Variants in KHDRBS3 observed in about 807,000 individuals in gnomAD.
The protein encoded by KHDRBS3 is KH domain-containing, RNA-binding, signal transduction-associated protein 3.
A neutral mutation model predicts 45.6 loss-of-function variants in KHDRBS3; 23 were observed. The ratio of observed to expected loss-of-function variants is 0.50; its 90% confidence interval spans 0.36 to 0.72. The LOEUF is 0.72. Ranked by LOEUF, KHDRBS3 falls within the 30% of genes least tolerant of loss-of-function variation. The pLI, the probability that KHDRBS3 is intolerant of heterozygous loss-of-function variation, is 0.00. For missense variants in KHDRBS3, 352 were observed against 424.8 expected, an observed-to-expected ratio of 0.83 and a Z score of 1.51; for synonymous variants, 162 against 156.5, an observed-to-expected ratio of 1.04 and a Z score of -0.26.
chr8:135,535,158 C>T (rs1035023399), intron 2 of KHDRBS3, among the ~76,000 whole-genome samples: 4 of 151,508 alleles, frequency 2.6e-5, no homozygotes, highest in Non-Finnish European at 4.4e-5. Context: ...GTGTGAAAAT[C>T]AGTTAAGGTT....
chr8:135,523,862 T>C (rs769617122), intron 2 of KHDRBS3, among the ~76,000 whole-genome samples: 13 of 152,212 alleles, frequency 8.5e-5, no homozygotes, highest in Non-Finnish European at 1.8e-4. Context: ...ACACAATGTA[T>C]TTCTCTACAC....
intron 2 of KHDRBS3, among the ~76,000 whole-genome samples, chr8:135,537,841 G>T (rs1043606665): frequency 7.9e-5 from 12 of 152,136 alleles, no homozygotes; most frequent in African/African-American, 1.9e-4. Context: ...ATGGACAAAT[G>T]AGGTTATTTA....
intron 1 of KHDRBS3, among the ~76,000 whole-genome samples, chr8:135,511,491 G>A (rs1299019359): frequency 1.3e-5 from 2 of 151,844 alleles, no homozygotes; most frequent in East Asian, 3.9e-4. Flanking sequence ...CTTATGTGTT[G>A]TATGTATATT....
At chr8:135,481,349 G>A (rs1458448111) in intron 1 of KHDRBS3, among the ~76,000 whole-genome samples, 1 of 149,716 alleles carries the variant, frequency 6.7e-6, no homozygotes, top group Non-Finnish European at 1.5e-5. Flanking sequence ...ACTCAGTTCA[G>A]GTGTTATCAC....
At chr8:135,580,681 T>C (rs892181531) in intron 5 of KHDRBS3, among the ~76,000 whole-genome samples, 1 of 150,906 alleles carries the variant, frequency 6.6e-6, no homozygotes, top group Admixed American at 6.6e-5. Flanking sequence ...GGTGTGATCC[T>C]GGCTCACTGC....
chr8:135,518,012 A>G (rs78031499), intron 1 of KHDRBS3, among the ~76,000 whole-genome samples: 1 of 152,314 alleles, frequency 6.6e-6, no homozygotes, highest in East Asian at 1.9e-4. Flanking sequence ...TAAAATACTT[A>G]ATTCCTAATT....
At chr8:135,562,728 G>T (rs192442698) in intron 5 of KHDRBS3, among the ~76,000 whole-genome samples, 163 of 152,246 alleles carry the variant, frequency 1.1e-3, no homozygotes, top group African/African-American at 3.3e-3. Context: ...TGGCAGAATT[G>T]GTCTTGAAAT....
intron 6 of KHDRBS3, among the ~76,000 whole-genome samples, chr8:135,589,620 C>T (rs1828648160): frequency 1.3e-5 from 2 of 152,202 alleles, no homozygotes; most frequent in African/African-American, 4.8e-5. Context: ...CCTAATCAAG[C>T]ATAGTTAGCA....
At chr8:135,580,858 C>T (rs994825212) in intron 5 of KHDRBS3, among the ~76,000 whole-genome samples, 1 of 152,180 alleles carries the variant, frequency 6.6e-6, no homozygotes, top group Non-Finnish European at 1.5e-5. Context: ...GGTGATCCAC[C>T]TGCCTTGGCC....
At chr8:135,565,526 G>A (rs1313314989) in intron 5 of KHDRBS3, among the ~76,000 whole-genome samples, 1 of 152,112 alleles carries the variant, frequency 6.6e-6, no homozygotes, top group Admixed American at 6.5e-5. Context: ...AACTCTAACT[G>A]CAGACTGTAT....
At chr8:135,557,188 C>G (rs1364439275) in intron 4 of KHDRBS3, among the ~76,000 whole-genome samples, 1 of 152,120 alleles carries the variant, frequency 6.6e-6, no homozygotes, top group African/African-American at 2.4e-5. Flanking sequence ...ATAAATGTCT[C>G]ACTTGCAAAG....
chr8:135,531,150 G>A (rs1287684133), intron 2 of KHDRBS3, among the ~76,000 whole-genome samples: 1 of 152,020 alleles, frequency 6.6e-6, no homozygotes, highest in African/African-American at 2.4e-5. Context: ...TATTACTTGC[G>A]TGTGCCTGTG....
chr8:135,475,289 A>G (rs991668837), intron 1 of KHDRBS3, among the ~76,000 whole-genome samples: 1 of 152,162 alleles, frequency 6.6e-6, no homozygotes, highest in African/African-American at 2.4e-5. Flanking sequence ...CTGTTTATCA[A>G]GTACCTAGTG....
Position 135,463,962 on chromosome 8 carries a change from G to T in KHDRBS3, c.88+6008G>T, listed in dbSNP as rs58645090. Among the ~76,000 whole-genome samples the T allele has an allele frequency of 8.0e-3, 1,212 of 152,216 alleles. 10 individuals carry two copies. The highest frequency in any genetic ancestry group is 0.027 in the African/African-American group (1,138 of 41,520). On this transcript the variant is annotated intron_variant, in intron 1 of 8. Transcript: ENST00000355849. ...TTTCTGTGCATTCTCTCCCATCCCC[G>T]CAAGATCTTGCAAGGTAGGAGGTTT...
chr8:135,655,372 G>A (rs989359643), intron 4 of KHDRBS3, among the ~76,000 whole-genome samples: 2 of 152,170 alleles, frequency 1.3e-5, no homozygotes, highest in African/African-American at 4.8e-5. Flanking sequence ...AATAAAACCT[G>A]AATGGAGTTT....
intron 7 of KHDRBS3, among the ~76,000 whole-genome samples, chr8:135,608,319 C>T (rs538750563): frequency 6.6e-6 from 1 of 152,276 alleles, no homozygotes; most frequent in South Asian, 2.1e-4. Context: ...TAAATATCCA[C>T]AAATATTTCA....
At chr8:135,584,178 G>A (rs1293899018) in intron 6 of KHDRBS3, among the ~76,000 whole-genome samples, 1 of 152,186 alleles carries the variant, frequency 6.6e-6, no homozygotes, top group Non-Finnish European at 1.5e-5. Context: ...GGCACTGACT[G>A]TTACTGCAGC....
At chr8:135,650,275 GA>G (rs1383535081), downstream of KHDRBS3, among the ~76,000 whole-genome samples, 3 of 152,130 alleles carry the variant, frequency 2.0e-5, no homozygotes. Context: ...TTTGCATGAA[GA>G]AACCATACCC....
intron 8 of KHDRBS3, among the ~76,000 whole-genome samples, chr8:135,646,166 C>G (rs746891227): frequency 6.6e-6 from 1 of 151,994 alleles, no homozygotes; most frequent in Non-Finnish European, 1.5e-5. Context: ...TTTTCCTTCA[C>G]AGCTTTTTAA....
Sources: gnomAD v4.1 joint callset for allele counts (sites outside exome capture counted in the v4.1 genomes callset) on GRCh38, gnomAD v4.1.1 for gene constraint, MANE v1.5 for transcripts, NCBI Gene and HGNC (gene_info 2026-07-23, HGNC 2026-07-21) for gene names.